CYP4X1: variants seen among roughly 807,000 people sequenced by gnomAD.
The protein encoded by CYP4X1 is cytochrome P450 4X1.
A neutral mutation model predicts 57.9 loss-of-function variants in CYP4X1; 44 were observed. That is an observed-to-expected ratio of 0.76 (90% confidence interval 0.60 to 0.98). The LOEUF (loss-of-function observed/expected upper bound fraction) is 0.98, where lower values mean the gene tolerates loss of function less well. CYP4X1 is among the 50% of genes least tolerant of loss of function. CYP4X1 has a pLI of 0.00. For synonymous variants in CYP4X1, 227 were observed against 228.6 expected (o/e 0.99, Z 0.06); for missense variants, 532 against 623.9 (o/e 0.85, Z 1.57).
At chr1:46,999,637 C>T in the CYP4X1 span, among the ~76,000 whole-genome samples, 1 of 151,784 alleles carries the variant, frequency 6.6e-6, no homozygotes, top group Non-Finnish European at 1.5e-5. Flanking sequence ...TTTTATAGTT[C>T]CTTAGGTGTG....
the CYP4X1 span, among the ~76,000 whole-genome samples, chr1:47,009,941 T>C: frequency 2.0e-5 from 3 of 152,072 alleles, no homozygotes; most frequent in East Asian, 3.8e-4. Flanking sequence ...ACAAAAAAAG[T>C]CCAGCACCAG....
At position 47,039,434 on chromosome 1, in the gene CYP4X1, C is replaced by T. The variant is rs115556511; in HGVS notation, c.975C>T (p.Ile325=). ...LAGHDTLAAS[I]SWILYCLALN... is the part of the protein sequence containing the mutation. ...GACATGACACCTTGGCAGCAAGCATCTCCTGGATCCTTTACTGCCTGGCTC... is the reference window on the plus strand; with the variant it reads ...GACATGACACCTTGGCAGCAAGCATTTCCTGGATCCTTTACTGCCTGGCTC... Residue 325 remains isoleucine (I), a synonymous_variant, in exon 8 of 12, where the codon ATC becomes ATT. Coordinates refer to ENST00000371901, the MANE Select transcript of CYP4X1 (RefSeq NM_178033.2). The T allele has an allele frequency of 5.4e-5, 87 of 1,613,732 alleles. No individual in the cohort carries two copies. The East Asian group carries it at 6.5e-4, about 12-fold the overall frequency.
intron 1 of CYP4X1, among the ~76,000 whole-genome samples, chr1:47,026,800 C>G (rs1457129563): frequency 6.6e-6 from 1 of 152,142 alleles, no homozygotes; most frequent in East Asian, 1.9e-4. Context: ...TCACTGCAAC[C>G]TCCGCCTCTC....
At chr1:47,047,782 A>G (rs570622204) in intron 9 of CYP4X1, among the ~76,000 whole-genome samples, 2 of 152,176 alleles carry the variant, frequency 1.3e-5, no homozygotes, top group Admixed American at 1.3e-4. Context: ...TATTTTTATT[A>G]GAGATGGGGT....
chr1:46,977,261 C>A, the CYP4X1 span, among the ~76,000 whole-genome samples: 1 of 152,108 alleles, frequency 6.6e-6, no homozygotes, highest in East Asian at 1.9e-4. Context: ...CTAGAATAAA[C>A]AGTGTAGAGC....
chr1:46,980,035 A>G, the CYP4X1 span, among the ~76,000 whole-genome samples: 1 of 152,220 alleles, frequency 6.6e-6, no homozygotes, highest in Non-Finnish European at 1.5e-5. Flanking sequence ...TGAATGGGCA[A>G]AACTGGAAGC....
the CYP4X1 span, among the ~76,000 whole-genome samples, chr1:46,964,178 C>T: frequency 6.6e-6 from 1 of 152,156 alleles, no homozygotes; most frequent in African/African-American, 2.4e-5. Flanking sequence ...ACTTCTTTGC[C>T]ATGGGTTCAA....
At position 47,036,078 on chromosome 1, in the gene CYP4X1, T is replaced by C; in HGVS notation, c.682T>C (p.Tyr228His). Reference protein sequence around the residue: ...ELSKIIFHRLYSLLYHSDIIF... With the variant: ...ELSKIIFHRLHSLLYHSDIIF... The stretch of plus-strand genomic sequence containing the variant: ...CAGCAAAATCATATTTCACCGCTTG[T>C]ACAGTTTGTTGTATCACAGTGACAT... Residue 228 changes from tyrosine to histidine, a missense_variant, in exon 6 of 12, where the codon TAC (tyrosine) becomes CAC (histidine). By Grantham distance (83) the Tyr-to-His change is moderately conservative (BLOSUM62 2). Coordinates refer to ENST00000371901, the MANE Select transcript of CYP4X1 (RefSeq NM_178033.2). 1 of 1,613,826 alleles carries C rather than the reference T, an allele frequency of 6.2e-7. No homozygotes were observed. Among genetic ancestry groups the C allele is most frequent in the Non-Finnish European group, 8.5e-7 (1 of 1,179,826 alleles).
chr1:46,962,821 C>T, the CYP4X1 span, among the ~76,000 whole-genome samples: 2 of 152,180 alleles, frequency 1.3e-5, no homozygotes, highest in East Asian at 3.9e-4. Flanking sequence ...AACTTTCTGT[C>T]TCATTGATCT....
Position 47,050,258 on chromosome 1 carries a change from A to T in CYP4X1, c.*84A>T. ...GATCCAAGCAGATAGAAAGGGATCA[A>T]TGTATGGTGGGAGGATTGGAGGTTG... On this transcript the variant is annotated 3_prime_UTR_variant, in exon 12 of 12. Coordinates refer to ENST00000371901, the MANE Select transcript of CYP4X1 (RefSeq NM_178033.2). 1 of 1,486,158 alleles carries T rather than the reference A, an allele frequency of 6.7e-7. No homozygotes were observed. The allele number at this position is 1,486,158 out of a possible 1,614,324, so 92.1% of individuals were successfully genotyped here.
At chr1:46,992,179 G>A in the CYP4X1 span, among the ~76,000 whole-genome samples, 8,228 of 152,290 alleles carry the variant, frequency 0.054, 329 homozygotes, top group Non-Finnish European at 0.074. Flanking sequence ...AGCTGAGTGC[G>A]AAGGCACACG....
the CYP4X1 span, among the ~76,000 whole-genome samples, chr1:47,007,150 C>T: frequency 2.0e-5 from 3 of 152,332 alleles, no homozygotes; most frequent in Non-Finnish European, 2.9e-5. Flanking sequence ...CCCTAAACCC[C>T]GAGTAGCCTA....
At chr1:46,961,643 T>C in the CYP4X1 span, 1 of 1,290,372 alleles carries the variant, frequency 7.7e-7, no homozygotes. Context: ...GTTCCCACCC[T>C]GCTTATCAAG....
At chr1:46,993,136 T>A in the CYP4X1 span, among the ~76,000 whole-genome samples, 1 of 133,114 alleles carries the variant, frequency 7.5e-6, no homozygotes. Context: ...CCTGTGTCCA[T>A]GTGTTCTCAT....
the CYP4X1 span, among the ~76,000 whole-genome samples, chr1:46,998,046 T>C: frequency 6.6e-6 from 1 of 152,236 alleles, no homozygotes. Context: ...ATTTTTTTTA[T>C]TTTTGAAAGG....
chr1:47,038,863 G>A (rs558356674), intron 7 of CYP4X1, 97 bp downstream of exon 7: 23 of 876,274 alleles, frequency 2.6e-5, no homozygotes, highest in Middle Eastern at 2.5e-4. Flanking sequence ...GAATAAAACC[G>A]ATTGACTAAA....
the CYP4X1 span, among the ~76,000 whole-genome samples, chr1:46,976,174 G>A: frequency 7.9e-5 from 12 of 152,244 alleles, no homozygotes; most frequent in East Asian, 7.7e-4. Context: ...CAAGGGGTCT[G>A]GGGATTTCCT....
the CYP4X1 span, chr1:46,967,633 A>T: frequency 1.0e-5 from 4 of 392,702 alleles, no homozygotes; most frequent in Admixed American, 1.3e-4. Context: ...GGCAGGAGAC[A>T]GGAGCAGGGG....
chr1:46,974,233 G>GT, the CYP4X1 span, among the ~76,000 whole-genome samples: 7 of 152,168 alleles, frequency 4.6e-5, no homozygotes, highest in South Asian at 4.2e-4. Context: ...GGTTTTGAGA[G>GT]TTTTTTTGGT....
Sources: allele counts gnomAD v4.1 joint callset (sites outside exome capture counted in the v4.1 genomes callset), GRCh38; gene constraint gnomAD v4.1.1; transcripts MANE v1.5; gene names NCBI Gene and HGNC (gene_info 2026-07-23, HGNC 2026-07-21).